NEBL: variants seen among roughly 807,000 people sequenced by gnomAD.
The protein encoded by NEBL is LIM and SH3 protein 2.
Under a neutral mutation model 140.2 loss-of-function variants are expected in NEBL, and 122 were observed. The observed-to-expected ratio is 0.87, with a 90% CI of 0.75 to 1.01. The LOEUF (loss-of-function observed/expected upper bound fraction) is 1.01. NEBL is among the 50% of genes least tolerant of loss of function. NEBL has a pLI of 0.00. For missense variants in NEBL, 1,365 were observed against 1,231.3 expected (o/e 1.11, Z -1.62); for synonymous variants, 436 against 398.9 (o/e 1.09, Z -1.11).
At chr10:20,786,967 T>C (rs1835467267) in intron 27 of NEBL, among the ~76,000 whole-genome samples, 1 of 152,186 alleles carries the variant, frequency 6.6e-6, no homozygotes, top group African/African-American at 2.4e-5. Flanking sequence ...TACTGGTAGA[T>C]TCTTTGTATG....
intron 4 of NEBL, among the ~76,000 whole-genome samples, chr10:20,940,763 A>G (rs1206154779): frequency 1.8e-4 from 27 of 151,814 alleles, no homozygotes; most frequent in Non-Finnish European, 2.5e-4. Context: ...TATCACCACC[A>G]ATCCCACAGA....
Position 20,981,223 on chromosome 10 carries a change from A to G in NEBL, c.250-19444T>C, listed in dbSNP as rs1254926199. On this transcript the variant is annotated intron_variant, in intron 3 of 6. Transcript: ENST00000417816. ...ATAGAGAACACATAAAGTTCAAAATATAGATATACTGATTTGAGGACAGGT... is the reference window on the plus strand; with the variant it reads ...ATAGAGAACACATAAAGTTCAAAATGTAGATATACTGATTTGAGGACAGGT... Among the ~76,000 whole-genome samples the G allele has an allele frequency of 2.0e-5, 3 of 152,272 alleles. No individual in the cohort carries two copies. The East Asian group carries it at 5.8e-4, about 29-fold the overall frequency.
intron 3 of NEBL, among the ~76,000 whole-genome samples, chr10:21,226,328 G>A (rs1842148401): frequency 6.6e-6 from 1 of 151,880 alleles, no homozygotes; most frequent in African/African-American, 2.4e-5. Flanking sequence ...GCTTCAAGCT[G>A]TGCTGCCTGG....
chr10:20,820,596 C>A (rs1354373944), intron 19 of NEBL, among the ~76,000 whole-genome samples: 4 of 152,120 alleles, frequency 2.6e-5, no homozygotes, highest in Admixed American at 6.6e-5. Context: ...AAGGCCGAGG[C>A]AGGTGGATCA....
At chr10:21,001,392 A>G (rs949186383) in intron 3 of NEBL, among the ~76,000 whole-genome samples, 1 of 152,192 alleles carries the variant, frequency 6.6e-6, no homozygotes, top group Non-Finnish European at 1.5e-5. Context: ...AGTTCTTCCT[A>G]TCAGAAAGAT....
chr10:21,191,700 A>T (rs1431941464), intron 3 of NEBL, among the ~76,000 whole-genome samples: 2 of 152,226 alleles, frequency 1.3e-5, no homozygotes, highest in Admixed American at 1.3e-4. Context: ...CAATAGGTAC[A>T]TTATAACAAT....
At chr10:20,799,780 C>A (rs1442120315) in intron 26 of NEBL, among the ~76,000 whole-genome samples, 4 of 152,132 alleles carry the variant, frequency 2.6e-5, no homozygotes, top group Admixed American at 2.6e-4. Flanking sequence ...AATGAAGATA[C>A]ATAGTTCTAA....
chr10:21,065,810 A>C (rs867409513), intron 2 of NEBL, among the ~76,000 whole-genome samples: 1 of 152,158 alleles, frequency 6.6e-6, no homozygotes, highest in Non-Finnish European at 1.5e-5. Context: ...CTATCACTCC[A>C]TCTGGCACAT....
chr10:20,853,811 C>T (rs11012361), intron 9 of NEBL, among the ~76,000 whole-genome samples: 1 of 152,024 alleles, frequency 6.6e-6, no homozygotes, highest in East Asian at 1.9e-4. Flanking sequence ...AGTTTAAGAT[C>T]TAGTATTCAA....
intron 4 of NEBL, among the ~76,000 whole-genome samples, chr10:20,909,551 G>A (rs998703456): frequency 2.6e-5 from 4 of 151,978 alleles, no homozygotes; most frequent in Admixed American, 6.6e-5. Flanking sequence ...TCTTCACACC[G>A]AAAAGGATTA....
At chr10:21,125,201 C>T (rs1814385582) in intron 2 of NEBL, among the ~76,000 whole-genome samples, 1 of 151,066 alleles carries the variant, frequency 6.6e-6, no homozygotes, top group Non-Finnish European at 1.5e-5. Context: ...CAGGCACACA[C>T]ACGCACACAC....
At chr10:20,987,342 C>T (rs1161783539) in intron 3 of NEBL, among the ~76,000 whole-genome samples, 1 of 152,044 alleles carries the variant, frequency 6.6e-6, no homozygotes, top group Non-Finnish European at 1.5e-5. Context: ...GCTTCCAGGC[C>T]TTTGTTCATC....
In NEBL at chr10:20,897,000, T is replaced by C; in HGVS notation, c.111A>G (p.Leu37=). 1 of 1,614,078 alleles carries C rather than the reference T, an allele frequency of 6.2e-7. No individual in the cohort carries two copies. The highest frequency in any genetic ancestry group is 8.5e-7 in the Non-Finnish European group (1 of 1,179,972). ...TGCATTTTCTGGCCAATTCCATGCT[T>C]AAGTCTTCAATAACAGGCTTATAGA... ...QVFYKPVIED[L]SMELARKCTE... The change falls in exon 2 of 28, where the codon TTA becomes TTG. Residue 37 remains leucine, a synonymous_variant. Coordinates refer to ENST00000377122, the MANE Select transcript of NEBL (RefSeq NM_006393.3).
At chr10:20,859,662 A>C in intron 8 of NEBL, 51 bp downstream of exon 8, 1 of 1,267,582 alleles carries the variant, frequency 7.9e-7, no homozygotes, top group South Asian at 1.2e-5. Context: ...ATTCTAAAAA[A>C]AACAAGAATC....
At chr10:20,829,340 A>C (rs1284748007) in intron 16 of NEBL, among the ~76,000 whole-genome samples, 1 of 151,872 alleles carries the variant, frequency 6.6e-6, no homozygotes, top group African/African-American at 2.4e-5. Flanking sequence ...GCAAGAACAA[A>C]AAACCAAACA....
At chr10:20,809,462 TA>T (rs1172319307) in intron 25 of NEBL, among the ~76,000 whole-genome samples, 2 of 152,178 alleles carry the variant, frequency 1.3e-5, no homozygotes, top group Non-Finnish European at 2.9e-5. Context: ...AATCTACCTT[TA>T]AAAAATTATA....
At chr10:20,950,738 A>T (rs1835417619) in intron 4 of NEBL, among the ~76,000 whole-genome samples, 1 of 152,236 alleles carries the variant, frequency 6.6e-6, no homozygotes, top group Non-Finnish European at 1.5e-5. Flanking sequence ...GCCACTTATC[A>T]TCAAAGGCCT....
At chr10:20,798,966 G>A (rs963184064) in intron 26 of NEBL, among the ~76,000 whole-genome samples, 3 of 151,920 alleles carry the variant, frequency 2.0e-5, no homozygotes, top group South Asian at 2.1e-4. Context: ...TACAAGTTTC[G>A]CTGCCCGAAA....
At chr10:21,077,033 T>C (rs1294915732) in intron 2 of NEBL, among the ~76,000 whole-genome samples, 1 of 152,164 alleles carries the variant, frequency 6.6e-6, no homozygotes, top group Admixed American at 6.5e-5. Context: ...CACTTAAAAA[T>C]TGTTAAAATG....
Sources: gnomAD v4.1 joint callset for allele counts (sites outside exome capture counted in the v4.1 genomes callset) on GRCh38, gnomAD v4.1.1 for gene constraint, MANE v1.5 for transcripts, NCBI Gene and HGNC (gene_info 2026-07-23, HGNC 2026-07-21) for gene names.